The following PEAK1 variants were observed in gnomAD, a reference collection of about 807,000 sequenced individuals.
PEAK1 encodes inactive tyrosine-protein kinase PEAK1.
Under a neutral mutation model 124.7 loss-of-function variants are expected in PEAK1, and 54 were observed. That is an observed-to-expected ratio of 0.43 (90% CI 0.35 to 0.54). PEAK1 has a LOEUF of 0.54. Ranked by LOEUF, PEAK1 falls within the 20% of genes least tolerant of loss-of-function variation. PEAK1 has a pLI of 0.01. For synonymous variants in PEAK1, 719 were observed against 760.0 expected (o/e 0.95, Z 0.89); for missense variants, 2,046 against 2,134.5 (o/e 0.96, Z 0.82).
chr15:77,181,428 C>G lies in PEAK1; in HGVS notation c.499G>C (p.Gly167Arg), dbSNP rs759779855. 2.5e-6 allele frequency: 4 copies of G among 1,614,064 alleles called. No individual in the cohort carries two copies. Among genetic ancestry groups the G allele is most frequent in the Non-Finnish European group, 3.4e-6 (4 of 1,179,996 alleles). ...GTTTCTCTGGAGTTTGTTTCATTTC[C>G]TCTTATCTGAGGGGCAGTATCCAAG... Reference protein sequence around the residue: ...AGLDTAPQIRGNETNSRETFL... With the variant: ...AGLDTAPQIRRNETNSRETFL... The change falls in exon 7 of 10, where the codon GGA becomes CGA. Residue 167 changes from glycine (G) to arginine (R), a missense_variant. Gly to Arg is a moderately radical substitution (Grantham distance 125). Coordinates refer to ENST00000682557, the MANE Select transcript of PEAK1 (RefSeq NM_001385026.1).
At chr15:77,101,109 CCT>C (rs1202034386) in exon 7 of PEAK1, 1 of 152,426 alleles carries the variant, frequency 6.6e-6, no homozygotes, top group Non-Finnish European at 1.5e-5. Flanking sequence ...CCATCGCAGC[CCT>C]GTCCCTTGTC....
At chr15:77,175,519 C>A (rs1473463416) in intron 7 of PEAK1, among the ~76,000 whole-genome samples, 2 of 151,788 alleles carry the variant, frequency 1.3e-5, no homozygotes, top group Non-Finnish European at 3.0e-5. Flanking sequence ...TCATCACTGG[C>A]CATCAGAGAA....
rs990090757 is a variant in PEAK1, at chr15:77,404,236, C to T, written c.-666+15770G>A. On this transcript the variant is annotated intron_variant, in intron 1 of 9. Coordinates refer to ENST00000682557, the MANE Select transcript of PEAK1 (RefSeq NM_001385026.1). ...TGAGTGTTCAGGATCCATGGTGTAA[C>T]TTGGCTTTGCTGTTTTCTTCTCATA... 3 of 985,366 alleles carry T rather than the reference C, an allele frequency of 3.0e-6. No individual in the cohort carries two copies. The African/African-American group carries it at 5.2e-5, about 17-fold the overall frequency. 61.0% of individuals were successfully genotyped at this position (985,366 alleles called of 1,614,324 possible).
chr15:77,358,194 C>T (rs756253721), intron 2 of PEAK1, among the ~76,000 whole-genome samples: 1 of 152,124 alleles, frequency 6.6e-6, no homozygotes, highest in African/African-American at 2.4e-5. Context: ...CAATTTTGCT[C>T]TTACCTGTTT....
intron 8 of PEAK1, among the ~76,000 whole-genome samples, chr15:77,152,557 G>A (rs1309369850): frequency 2.6e-5 from 4 of 152,120 alleles, no homozygotes; most frequent in Non-Finnish European, 5.9e-5. Flanking sequence ...GGGCATCCCT[G>A]TCTTGTGCCA....
chr15:77,220,136 A>G (rs576096981), intron 6 of PEAK1, among the ~76,000 whole-genome samples: 1 of 152,248 alleles, frequency 6.6e-6, no homozygotes, highest in East Asian at 1.9e-4. Flanking sequence ...TAGCTAGTAG[A>G]TAAAAGAGTA....
At chr15:77,320,545 C>T (rs1023989120) in intron 2 of PEAK1, among the ~76,000 whole-genome samples, 1 of 152,126 alleles carries the variant, frequency 6.6e-6, no homozygotes, top group Admixed American at 6.5e-5. Context: ...TTATGCCTTG[C>T]CTTGGTAGTT....
rs540270310 is a variant in PEAK1 at position 77,403,847 on chromosome 15, A to T, written c.-666+16159T>A. 39 of 984,870 alleles carry T rather than the reference A, an allele frequency of 4.0e-5. No individual in the cohort carries two copies. The East Asian group carries it at 4.3e-3, about 109-fold the overall frequency. 61.0% of individuals were successfully genotyped at this position (984,870 alleles called of 1,614,324 possible). A position where few individuals can be genotyped will look rare whatever the true frequency, so the allele number is the denominator to read the frequency against. ...TAATATATCCCTAACCTTTATGCCC[A>T]TGCCACATATTTATTACAATGCCAC... On this transcript the variant is annotated intron_variant, in intron 1 of 9. Coordinates refer to ENST00000682557, the MANE Select transcript of PEAK1 (RefSeq NM_001385026.1).
intron 2 of PEAK1, among the ~76,000 whole-genome samples, chr15:77,319,403 CTCAT>C (rs1425078068): frequency 1.3e-4 from 20 of 152,098 alleles, no homozygotes; most frequent in African/African-American, 4.8e-4. Flanking sequence ...ACTGATTATA[CTCAT>C]TATCTCTGAA....
chr15:77,228,220 C>T (rs2059762803), intron 6 of PEAK1, among the ~76,000 whole-genome samples: 1 of 152,012 alleles, frequency 6.6e-6, no homozygotes, highest in Non-Finnish European at 1.5e-5. Context: ...CACCCATTAA[C>T]TCATCATTTA....
rs2060924852 is a variant in PEAK1 at position 77,252,523 on chromosome 15, T to G, written c.-271A>C. On this transcript the variant is annotated 5_prime_UTR_variant, in exon 6 of 10. Coordinates refer to ENST00000682557, the MANE Select transcript of PEAK1 (RefSeq NM_001385026.1). Reference sequence around the variant, plus strand: ...TCCTTAATTTCTGAAGATAGCAATGTTTACTGCAAGAGAAAAAAAATAGAG... The same window carrying G: ...TCCTTAATTTCTGAAGATAGCAATGGTTACTGCAAGAGAAAAAAAATAGAG... 6.1e-6 allele frequency: 6 copies of G among 984,286 alleles called. No homozygotes were observed. The highest frequency in any genetic ancestry group is 7.2e-6 in the Non-Finnish European group (6 of 828,924). 61.0% of individuals were successfully genotyped at this position (984,286 alleles called of 1,614,324 possible). A position where few individuals can be genotyped will look rare whatever the true frequency, so the allele number is the denominator to read the frequency against.
intron 5 of PEAK1, chr15:77,278,850 T>TG (rs61057428): frequency 3.2e-6 from 1 of 316,748 alleles, no homozygotes; most frequent in African/African-American, 2.3e-5. Flanking sequence ...TTTTTTTTTT[T>TG]GAGACAGAGT....
At chr15:77,403,872 C>G (rs2071581715) in intron 1 of PEAK1, 29 of 984,638 alleles carry the variant, frequency 2.9e-5, no homozygotes, top group Non-Finnish European at 3.4e-5. Flanking sequence ...TACAATGCCA[C>G]AAATTCATTT....
At chr15:77,116,818 A>G (rs2051432671) in intron 9 of PEAK1, among the ~76,000 whole-genome samples, 1 of 152,062 alleles carries the variant, frequency 6.6e-6, no homozygotes. Flanking sequence ...GGATATACTA[A>G]GTATTTCTTT....
At chr15:77,193,632 C>T (rs886346842) in intron 6 of PEAK1, among the ~76,000 whole-genome samples, 5 of 152,188 alleles carry the variant, frequency 3.3e-5, no homozygotes, top group South Asian at 2.1e-4. Context: ...GGCGAAACCC[C>T]GTCTCTACTA....
At chr15:77,159,819 G>A (rs1437717187) in intron 7 of PEAK1, among the ~76,000 whole-genome samples, 2 of 152,122 alleles carry the variant, frequency 1.3e-5, no homozygotes, top group African/African-American at 2.4e-5. Flanking sequence ...AGGCAAAGGA[G>A]TACCCTCTTA....
intron 2 of PEAK1, among the ~76,000 whole-genome samples, chr15:77,327,883 A>G (rs1488437428): frequency 6.6e-6 from 1 of 152,144 alleles, no homozygotes; most frequent in African/African-American, 2.4e-5. Flanking sequence ...GATAAGCCAC[A>G]TTATGGAAGA....
At position 77,111,515 on chromosome 15, in the gene PEAK1, T is replaced by A. The variant is rs1341277718; in HGVS notation, c.*2641A>T. 2.6e-5 allele frequency: 4 copies of A among 152,244 alleles called. No individual in the cohort carries two copies. Among genetic ancestry groups the A allele is most frequent in the African/African-American group, 9.6e-5 (4 of 41,470 alleles). The allele number at this position is 152,244 out of a possible 1,614,324, so 9.4% of individuals were successfully genotyped here. ...CCAGAGAAAAATTAATCTAGCCACCTGTCTCTGGGAAGCCTGAGGCTTTTC... is the reference window on the plus strand; with the variant it reads ...CCAGAGAAAAATTAATCTAGCCACCAGTCTCTGGGAAGCCTGAGGCTTTTC... On this transcript the variant is annotated 3_prime_UTR_variant, in exon 10 of 10. Transcript: ENST00000682557.
At position 77,397,583 on chromosome 15, in the gene PEAK1, T is replaced by G. The variant is rs534009144; in HGVS notation, c.-666+22423A>C. On this transcript the variant is annotated intron_variant, in intron 1 of 9. Coordinates refer to ENST00000682557, the MANE Select transcript of PEAK1 (RefSeq NM_001385026.1). ...AGAAAGAAGACTCAAATAAATAAAATAAAAGATGAAAAAGAAGAAATTAAA... is the reference window on the plus strand; with the variant it reads ...AGAAAGAAGACTCAAATAAATAAAAGAAAAGATGAAAAAGAAGAAATTAAA... Among the ~76,000 whole-genome samples, 11 of 151,280 alleles carry G rather than the reference T, an allele frequency of 7.3e-5. No individual in the cohort carries two copies. In the South Asian group the frequency reaches 2.3e-3, roughly 32 times the overall value.
Sources: allele counts gnomAD v4.1 joint callset (sites outside exome capture counted in the v4.1 genomes callset), GRCh38; gene constraint gnomAD v4.1.1; transcripts MANE v1.5; gene names NCBI Gene and HGNC (gene_info 2026-07-23, HGNC 2026-07-21).